The following CSGALNACT1 variants were observed in gnomAD, a reference collection of about 807,000 sequenced individuals.
CSGALNACT1 encodes the protein beta4GalNAcT-1.
A neutral mutation model predicts 51.0 loss-of-function variants in CSGALNACT1; 52 were observed. The ratio of observed to expected loss-of-function variants is 1.02; its 90% CI spans 0.82 to 1.29. The LOEUF is 1.29. CSGALNACT1 is among the 50% of genes most tolerant of loss of function. CSGALNACT1 has a pLI of 0.00. For synonymous variants in CSGALNACT1, 341 were observed against 254.4 expected, an observed-to-expected ratio of 1.34 and a Z score of -3.24; for missense variants, 935 against 679.2, an observed-to-expected ratio of 1.38 and a Z score of -4.19.
intron 4 of CSGALNACT1, among the ~76,000 whole-genome samples, chr8:19,462,409 C>A (rs1028075132): frequency 6.6e-6 from 1 of 152,046 alleles, no homozygotes; most frequent in African/African-American, 2.4e-5. Flanking sequence ...TTTTAAAAAT[C>A]AAAATCCACA....
At chr8:19,746,561 A>G (rs1289838632) in intron 1 of CSGALNACT1, among the ~76,000 whole-genome samples, 1 of 152,238 alleles carries the variant, frequency 6.6e-6, no homozygotes, top group Non-Finnish European at 1.5e-5. Context: ...GATTAGACAG[A>G]TAGTACAGGT....
At chr8:19,580,709 CAG>C (rs2045379231) in intron 3 of CSGALNACT1, among the ~76,000 whole-genome samples, 1 of 152,236 alleles carries the variant, frequency 6.6e-6, no homozygotes, top group African/African-American at 2.4e-5. Flanking sequence ...TGGTAATACA[CAG>C]ACTCACTGGT....
chr8:19,479,585 A>G (rs939430690), intron 4 of CSGALNACT1, among the ~76,000 whole-genome samples: 6 of 152,174 alleles, frequency 3.9e-5, no homozygotes, highest in African/African-American at 1.4e-4. Flanking sequence ...GCTTGGGGGA[A>G]TTGTGATGCC....
intron 3 of CSGALNACT1, among the ~76,000 whole-genome samples, chr8:19,511,663 G>C (rs56892524): frequency 2.0e-5 from 3 of 152,172 alleles, no homozygotes; most frequent in Non-Finnish European, 2.9e-5. Context: ...ATACCACTGT[G>C]TGTCTGCTCC....
At chr8:19,710,652 A>G (rs1004935231) in intron 1 of CSGALNACT1, among the ~76,000 whole-genome samples, 3 of 152,200 alleles carry the variant, frequency 2.0e-5, no homozygotes, top group Non-Finnish European at 4.4e-5. Flanking sequence ...GATGGAAAAA[A>G]AAAGAAATGA....
chr8:19,532,551 C>T (rs1379749458), intron 3 of CSGALNACT1, among the ~76,000 whole-genome samples: 1 of 152,208 alleles, frequency 6.6e-6, no homozygotes, highest in African/African-American at 2.4e-5. Flanking sequence ...TATAGTTTTA[C>T]TAAACCATGG....
chr8:19,628,279 C>G (rs1351047075), intron 1 of CSGALNACT1, among the ~76,000 whole-genome samples: 4 of 152,110 alleles, frequency 2.6e-5, no homozygotes, highest in Admixed American at 1.3e-4. Context: ...TGGCGCAAGG[C>G]CAAGGAGAAG....
chr8:19,728,360 T>TGAA (rs1436348282), intron 1 of CSGALNACT1, among the ~76,000 whole-genome samples: 4 of 152,220 alleles, frequency 2.6e-5, no homozygotes, highest in African/African-American at 9.6e-5. Context: ...AAATAAAAAG[T>TGAA]GAATAAGAAT....
chr8:19,432,077 T>C (rs1377762048), intron 6 of CSGALNACT1, among the ~76,000 whole-genome samples: 2 of 152,178 alleles, frequency 1.3e-5, no homozygotes, highest in African/African-American at 4.8e-5. Flanking sequence ...TCTTTACGTC[T>C]TCATGTGGAT....
intron 1 of CSGALNACT1, among the ~76,000 whole-genome samples, chr8:19,676,827 C>T (rs996400235): frequency 6.6e-6 from 1 of 152,152 alleles, no homozygotes; most frequent in Middle Eastern, 3.4e-3. Context: ...CTGGGAGGCT[C>T]GGTACTGGAA....
intron 4 of CSGALNACT1, among the ~76,000 whole-genome samples, chr8:19,484,369 G>A (rs889135031): frequency 1.3e-5 from 2 of 152,066 alleles, no homozygotes; most frequent in Admixed American, 6.6e-5. Context: ...GTGTCCACTG[G>A]GGGTCTTGGA....
intron 3 of CSGALNACT1, among the ~76,000 whole-genome samples, chr8:19,569,766 A>T (rs2042618006): frequency 6.6e-6 from 1 of 152,240 alleles, no homozygotes; most frequent in African/African-American, 2.4e-5. Context: ...GAACAAGGAT[A>T]TTTAGAAATT....
chr8:19,667,067 G>GA lies in CSGALNACT1; in HGVS notation c.-544+15405dup, dbSNP rs1554795160. Among the ~76,000 whole-genome samples the GA allele has an allele frequency of 1.6e-5, 2 of 121,884 alleles. 1 individual carries two copies. Among genetic ancestry groups the GA allele is most frequent in the African/African-American group, 6.2e-5 (2 of 32,264 alleles). 80.0% of individuals were successfully genotyped at this position (121,884 alleles called of 152,430 possible). ...AGAAAGAAAGAAAGAAAGAAAGAAA[G>GA]AAAGAAAGAAAGAAAGAAAGAAAGA... On this transcript the variant is annotated intron_variant, in intron 1 of 9. Transcript: ENST00000332246.
At chr8:19,618,511 C>CCA (rs1237946065) in intron 1 of CSGALNACT1, among the ~76,000 whole-genome samples, 8 of 151,022 alleles carry the variant, frequency 5.3e-5, no homozygotes, top group Non-Finnish European at 7.4e-5. Context: ...TCAGTGGTGG[C>CCA]CACCTATAAT....
At chr8:19,629,126 T>C (rs1045123038) in intron 1 of CSGALNACT1, among the ~76,000 whole-genome samples, 1 of 152,204 alleles carries the variant, frequency 6.6e-6, no homozygotes, top group East Asian at 1.9e-4. Context: ...AGTAGTTTAA[T>C]TGCCACCTTC....
rs939299755 is a variant in CSGALNACT1 at position 19,409,697 on chromosome 8, T to G, written c.1228-1003A>C. Among the ~76,000 whole-genome samples, 6 of 152,064 alleles carry G rather than the reference T, an allele frequency of 3.9e-5. No individual in the cohort carries two copies. The South Asian group carries it at 8.3e-4, about 21-fold the overall frequency. On this transcript the variant is annotated intron_variant, in intron 8 of 9. Transcript: ENST00000454498. ...GAAAGGTAGAGAGGGCAGCAGCAGG[T>G]TCCTCTTTCCCCACTTGGATTTGTA...
chr8:19,477,520 G>A (rs937874049), intron 4 of CSGALNACT1, among the ~76,000 whole-genome samples: 3 of 152,128 alleles, frequency 2.0e-5, no homozygotes, highest in Non-Finnish European at 4.4e-5. Flanking sequence ...TTAACTTCTT[G>A]GCATACTCTC....
At chr8:19,452,672 G>C (rs111910828) in intron 5 of CSGALNACT1, among the ~76,000 whole-genome samples, 2 of 152,226 alleles carry the variant, frequency 1.3e-5, no homozygotes, top group East Asian at 3.9e-4. Context: ...AGCTGGAGAC[G>C]TGAGTAAGTG....
At chr8:19,441,552 T>C (rs1277368441) in intron 5 of CSGALNACT1, among the ~76,000 whole-genome samples, 3 of 152,206 alleles carry the variant, frequency 2.0e-5, no homozygotes, top group Non-Finnish European at 2.9e-5. Flanking sequence ...TCCTTACACC[T>C]TATACAAAAA....
Sources: gnomAD v4.1 joint callset for allele counts (sites outside exome capture counted in the v4.1 genomes callset) on GRCh38, gnomAD v4.1.1 for gene constraint, MANE v1.5 for transcripts, NCBI Gene and HGNC (gene_info 2026-07-23, HGNC 2026-07-21) for gene names.